Variants in BIN1 observed in about 807,000 individuals in gnomAD.
The protein encoded by BIN1 is bridging integrator 1.
In BIN1, 53 loss-of-function variants were observed where a neutral mutation model predicts 82.0. The observed-to-expected ratio is 0.65, with a 90% CI of 0.52 to 0.81. The LOEUF is 0.81. Ranked by LOEUF, BIN1 falls within the 40% of genes least tolerant of loss-of-function variation. The pLI is 0.00. For missense variants in BIN1, 642 were observed against 784.4 expected (o/e 0.82, Z 2.17); for synonymous variants, 302 against 328.0 (o/e 0.92, Z 0.86).
In BIN1 at chr2:127,093,941, G is replaced by A. The variant is rs1019765143; in HGVS notation, c.84+12919C>T. On this transcript the variant is annotated intron_variant, in intron 1 of 18. Transcript: ENST00000316724. The surrounding 1 kb of genome is among the most constrained non-coding windows in gnomAD (Gnocchi z 5.7). ...CCCCAGGCCTAAACTCAGACAGGACGGCCCTAGAGGATACACACGGAGGGC... is the reference window on the plus strand; with the variant it reads ...CCCCAGGCCTAAACTCAGACAGGACAGCCCTAGAGGATACACACGGAGGGC... Among the ~76,000 whole-genome samples, 6 of 152,140 alleles carry A rather than the reference G, an allele frequency of 3.9e-5. No homozygotes were observed. Among genetic ancestry groups the A allele is most frequent in the African/African-American group, 1.2e-4 (5 of 41,442 alleles).
In BIN1 at chr2:127,068,381, T is replaced by A; in HGVS notation, c.520-126A>T. On this transcript the variant is annotated intron_variant, in intron 6 of 18. Transcript: ENST00000316724. This position sits in a 1 kb window ranked among gnomAD's most constrained non-coding sequence, Gnocchi z 4.9. ...GCGCGGGGGCCACCCCAAGCAGATA[T>A]GGGCCCTTGAGGCCGAGAGAATTAG... 1.6e-6 allele frequency: 1 copy of A among 622,646 alleles called. No homozygotes were observed. Among genetic ancestry groups the A allele is most frequent in the Non-Finnish European group, 2.7e-6 (1 of 369,714 alleles). The allele number at this position is 622,646 out of a possible 1,614,324, so 38.6% of individuals were successfully genotyped here. A position where few individuals can be genotyped will look rare whatever the true frequency, so the allele number is the denominator to read the frequency against.
intron 1 of BIN1, among the ~76,000 whole-genome samples, chr2:127,084,676 A>C (rs1677900207): frequency 6.6e-6 from 1 of 152,272 alleles, no homozygotes; most frequent in African/African-American, 2.4e-5. Context: ...TTGGCTCTGC[A>C]GCGAAGAAGC....
intron 7 of BIN1, among the ~76,000 whole-genome samples, chr2:127,065,127 C>T (rs1684987425): frequency 6.6e-6 from 1 of 152,240 alleles, no homozygotes; most frequent in African/African-American, 2.4e-5. Flanking sequence ...CTGTCCCATC[C>T]AGCCTCAGAC....
chr2:127,085,717 T>TC (rs1474858178), intron 1 of BIN1, among the ~76,000 whole-genome samples: 5 of 151,892 alleles, frequency 3.3e-5, no homozygotes, highest in Non-Finnish European at 5.9e-5. Context: ...AATGGGGTCC[T>TC]CCCCCTCAGC....
Position 127,048,500 on chromosome 2 carries a change from G to A in BIN1, c.*26C>T, listed in dbSNP as rs372056069. The A allele has an allele frequency of 1.1e-4, 176 of 1,604,896 alleles. No individual in the cohort carries two copies. Among genetic ancestry groups the A allele is most frequent in the Middle Eastern group, 3.3e-4 (2 of 6,062 alleles). On this transcript the variant is annotated 3_prime_UTR_variant, in exon 19 of 19. Transcript: ENST00000316724. ...TTTCGGGAGGAGGTGTTCTTCACACGCCCGGAGGCTGCCTGGGCCCCGCCG... is the reference window on the plus strand; with the variant it reads ...TTTCGGGAGGAGGTGTTCTTCACACACCCGGAGGCTGCCTGGGCCCCGCCG...
At chr2:127,087,528 C>G (rs888207254) in intron 1 of BIN1, among the ~76,000 whole-genome samples, 1 of 152,214 alleles carries the variant, frequency 6.6e-6, no homozygotes, top group African/African-American at 2.4e-5. Flanking sequence ...GAGCAGAGCA[C>G]ACAGCGTGAG....
chr2:127,050,329 C>T, intron 18 of BIN1, 92 bp downstream of exon 18: 4 of 1,402,390 alleles, frequency 2.9e-6, no homozygotes, highest in Non-Finnish European at 4.0e-6. Flanking sequence ...CCTCTGCTGC[C>T]CCCTGCTGGC....
chr2:127,057,120 T>A lies in BIN1; in HGVS notation c.1131+353A>T, dbSNP rs1683784880. Among the ~76,000 whole-genome samples, 1 of 152,026 alleles carries A rather than the reference T, an allele frequency of 6.6e-6. No individual in the cohort carries two copies. The highest frequency in any genetic ancestry group is 2.1e-4 in the South Asian group (1 of 4,816). ...TTCAGCCATTCCAGGACCTTCCAAC[T>A]CTCCCTGGCCCTGGAAGCCTTCCCT... On this transcript the variant is annotated intron_variant, in intron 12 of 18. Transcript: ENST00000316724. The surrounding 1 kb of genome is among the most constrained non-coding windows in gnomAD (Gnocchi z 5.0).
intron 1 of BIN1, 93 bp from the exon 2 acceptor site, chr2:127,076,799 G>T: frequency 7.0e-7 from 1 of 1,432,280 alleles, no homozygotes; most frequent in Non-Finnish European, 9.8e-7. Flanking sequence ...CAGACCAGGG[G>T]CTGGGAAGTC....
intron 1 of BIN1, among the ~76,000 whole-genome samples, chr2:127,098,490 C>T (rs1329106192): frequency 2.6e-5 from 4 of 152,138 alleles, no homozygotes; most frequent in African/African-American, 4.8e-5. Context: ...CCCAGGGGCA[C>T]CACAGGACAG....
rs781746027 is a variant in BIN1, at chr2:127,052,329, C to T, written c.1297G>A (p.Gly433Arg). The T allele has an allele frequency of 5.7e-6, 9 of 1,587,060 alleles. No homozygotes were observed. Among genetic ancestry groups the T allele is most frequent in the Admixed American group, 1.8e-5 (1 of 56,512 alleles). The change falls in exon 15 of 19, where the codon GGG (glycine) becomes AGG (arginine). Residue 433 changes from glycine to arginine, a missense_variant. Gly to Arg is a moderately radical substitution (Grantham distance 125). Transcript: ENST00000316724. Reference protein sequence around the residue: ...TESPAGSLPSGEPSAAEGTFA... With the variant: ...TESPAGSLPSREPSAAEGTFA... ...GTGCCCTCGGCAGCGCTGGGCTCCCCGGAAGGCAGGCTGCCGGCTGGACTC... is the reference window on the plus strand; with the variant it reads ...GTGCCCTCGGCAGCGCTGGGCTCCCTGGAAGGCAGGCTGCCGGCTGGACTC...
intron 1 of BIN1, among the ~76,000 whole-genome samples, chr2:127,103,922 G>A (rs1434361150): frequency 3.3e-5 from 5 of 152,340 alleles, no homozygotes; most frequent in Non-Finnish European, 5.9e-5. Context: ...CACGCATTCC[G>A]GGGGCAGTGG....
intron 2 of BIN1, among the ~76,000 whole-genome samples, chr2:127,074,192 T>C (rs1394616288): frequency 1.3e-5 from 2 of 151,924 alleles, no homozygotes; most frequent in East Asian, 3.9e-4. Flanking sequence ...CCATTCTCTC[T>C]CTCCTTTCCC....
At chr2:127,053,175 G>A in intron 14 of BIN1, 1 of 594,758 alleles carries the variant, frequency 1.7e-6, no homozygotes, top group Admixed American at 2.6e-5. Context: ...AGATCTCAGG[G>A]GACCCCTGTC....
intron 1 of BIN1, among the ~76,000 whole-genome samples, chr2:127,083,652 G>A (rs1373063973): frequency 6.6e-6 from 1 of 152,170 alleles, no homozygotes; most frequent in Non-Finnish European, 1.5e-5. Context: ...TTATGTCTGG[G>A]TCTAGGATCC....
At chr2:127,086,080 T>C (rs2164871) in intron 1 of BIN1, among the ~76,000 whole-genome samples, 90,482 of 152,058 alleles carry the variant, frequency 0.6, 27,126 homozygotes, top group African/African-American at 0.63. Context: ...GGGGGACACA[T>C]CACCCTTGAA....
In BIN1 at chr2:127,058,945, G is replaced by A. The variant is rs1039149624; in HGVS notation, c.1002+66C>T. ...GGGACAGAGGAGTGGGAGGATGGAG[G>A]ACAACAGCAAAGCCGGAGGAGAAGG... On this transcript the variant is annotated intron_variant, in intron 11 of 18. Transcript: ENST00000316724. 12 of 1,543,752 alleles carry A rather than the reference G, an allele frequency of 7.8e-6. No individual in the cohort carries two copies. The African/African-American group carries it at 1.6e-4, about 21-fold the overall frequency.
intron 2 of BIN1, among the ~76,000 whole-genome samples, chr2:127,072,283 C>T (rs2105092411): frequency 6.6e-6 from 1 of 152,372 alleles, no homozygotes; most frequent in South Asian, 2.1e-4. Flanking sequence ...CTACAGGCCT[C>T]TCCCTGTCCT....
chr2:127,077,256 G>T (rs1250675632), intron 1 of BIN1, among the ~76,000 whole-genome samples: 1 of 152,112 alleles, frequency 6.6e-6, no homozygotes, highest in Non-Finnish European at 1.5e-5. Flanking sequence ...CGCAGAGTCT[G>T]CTTCTGATCT....
Sources: gnomAD v4.1 joint callset for allele counts (sites outside exome capture counted in the v4.1 genomes callset) on GRCh38, gnomAD v4.1.1 for gene constraint, Gnocchi (gnomAD v3.1) non-coding constraint, MANE v1.5 for transcripts, NCBI Gene and HGNC (gene_info 2026-07-23, HGNC 2026-07-21) for gene names.